ZDHHC17: variants seen among roughly 807,000 people sequenced by gnomAD.
ZDHHC17 encodes the protein zDHHC palmitoyltransferase 17, also known as palmitoyltransferase ZDHHC17.
ZDHHC17 carries 40 observed loss-of-function variants against 90.3 expected under a neutral mutation model. The ratio of observed to expected loss-of-function variants is 0.44; its 90% confidence interval spans 0.34 to 0.58. The LOEUF is 0.58. ZDHHC17 is among the 20% of genes least tolerant of loss of function. ZDHHC17 has a pLI of 0.01. For missense variants in ZDHHC17, 614 were observed against 780.8 expected, an observed-to-expected ratio of 0.79 and a Z score of 2.55; for synonymous variants, 235 against 252.4, an observed-to-expected ratio of 0.93 and a Z score of 0.65.
intron 1 of ZDHHC17, among the ~76,000 whole-genome samples, chr12:76,781,032 G>C (rs2137723747): frequency 6.6e-6 from 1 of 151,528 alleles, no homozygotes; most frequent in Non-Finnish European, 1.5e-5. Context: ...TACTCGGGAG[G>C]CTGAGGCTGG....
chr12:76,781,581 T>G, intron 1 of ZDHHC17: 1 of 455,260 alleles, frequency 2.2e-6, no homozygotes, highest in Non-Finnish European at 4.4e-6. Flanking sequence ...GTTTGCTGTC[T>G]CATGCTGTCT....
intron 5 of ZDHHC17, among the ~76,000 whole-genome samples, chr12:76,811,516 A>G (rs1445543310): frequency 6.6e-6 from 1 of 152,082 alleles, no homozygotes; most frequent in South Asian, 2.1e-4. Flanking sequence ...TATATAGGCT[A>G]TAAAATTCTC....
At chr12:76,850,762 T>C in intron 16 of ZDHHC17, 85 bp from the exon 17 acceptor site, 13 of 1,509,310 alleles carry the variant, frequency 8.6e-6, no homozygotes, top group Admixed American at 4.5e-5. Flanking sequence ...GAAAAAAATA[T>C]ATTTAACACG....
intron 12 of ZDHHC17, among the ~76,000 whole-genome samples, 166 bp downstream of exon 12, chr12:76,843,147 G>A (rs538677494): frequency 3.9e-5 from 6 of 152,202 alleles, no homozygotes; most frequent in South Asian, 2.1e-4. Flanking sequence ...TTCCCAAGGC[G>A]CTTATTCCTC....
intron 1 of ZDHHC17, chr12:76,764,825 G>A (rs1952413107): frequency 2.2e-6 from 1 of 456,586 alleles, no homozygotes; most frequent in Non-Finnish European, 4.4e-6. Flanking sequence ...AATGCCATGG[G>A]TAGCACCTCG....
At chr12:76,776,295 G>T (rs1254321445) in intron 1 of ZDHHC17, among the ~76,000 whole-genome samples, 1 of 151,966 alleles carries the variant, frequency 6.6e-6, no homozygotes, top group African/African-American at 2.4e-5. Flanking sequence ...AGCCTTAATG[G>T]TGACACATGA....
intron 1 of ZDHHC17, among the ~76,000 whole-genome samples, chr12:76,780,462 A>G (rs1385458928): frequency 6.6e-6 from 1 of 152,154 alleles, no homozygotes; most frequent in Non-Finnish European, 1.5e-5. Context: ...GTTAGTGATC[A>G]TTTCTCTCAT....
intron 12 of ZDHHC17, among the ~76,000 whole-genome samples, chr12:76,843,381 G>C (rs144893078): frequency 3.8e-4 from 57 of 151,830 alleles, no homozygotes; most frequent in African/African-American, 1.2e-3. Flanking sequence ...TTAGATAACT[G>C]TTAAGACAAC....
At chr12:76,788,984 A>G (rs141785031) in intron 1 of ZDHHC17, among the ~76,000 whole-genome samples, 1,677 of 152,200 alleles carry the variant, frequency 0.011, 10 homozygotes, top group Non-Finnish European at 0.017. Flanking sequence ...GGCATGAGCC[A>G]CCGTGCCCAG....
rs116080417 is a variant in ZDHHC17, at chr12:76,811,127, C to T, written c.543+1270C>T. On this transcript the variant is annotated intron_variant, in intron 5 of 16. Coordinates refer to ENST00000426126, the MANE Select transcript of ZDHHC17 (RefSeq NM_015336.4). The stretch of plus-strand genomic sequence containing the variant: ...GAACTGACACAGCAACGTTTTTTCT[C>T]CATTCTATCAGTTAAAGTGAGTTAA... Among the ~76,000 whole-genome samples, 485 of 151,570 alleles carry T rather than the reference C, an allele frequency of 3.2e-3. 3 individuals are homozygous for T. The highest frequency in any genetic ancestry group is 0.011 in the African/African-American group (459 of 41,300).
At chr12:76,787,557 G>T (rs1460978067) in intron 1 of ZDHHC17, among the ~76,000 whole-genome samples, 1 of 152,060 alleles carries the variant, frequency 6.6e-6, no homozygotes, top group Non-Finnish European at 1.5e-5. Flanking sequence ...TTCCAATATT[G>T]CATTTGATGT....
intron 7 of ZDHHC17, chr12:76,821,035 G>T: frequency 7.9e-7 from 1 of 1,266,934 alleles, no homozygotes; most frequent in Non-Finnish European, 1.0e-6. Context: ...ATATTTTAAA[G>T]CTCCCTCAAT....
chr12:76,797,405 T>A, intron 1 of ZDHHC17, 29 bp from the exon 2 acceptor site: 2 of 1,529,386 alleles, frequency 1.3e-6, no homozygotes, highest in Non-Finnish European at 1.8e-6. Context: ...TTTTCAATTC[T>A]TGCCTGTGTG....
In ZDHHC17 at chr12:76,794,554, A is replaced by T. The variant is rs1049298342; in HGVS notation, c.94-2880A>T. The stretch of plus-strand genomic sequence containing the variant: ...AGTGAGTATAACTCTGCCACTGTAG[A>T]ATTATTTGAGATATGTTTAGTTAAA... On this transcript the variant is annotated intron_variant, in intron 1 of 16. Coordinates refer to ENST00000426126, the MANE Select transcript of ZDHHC17 (RefSeq NM_015336.4). Among the ~76,000 whole-genome samples the T allele has an allele frequency of 5.9e-5, 9 of 152,324 alleles. No homozygotes were observed. The East Asian group carries it at 1.7e-3, about 29-fold the overall frequency.
intron 1 of ZDHHC17, among the ~76,000 whole-genome samples, chr12:76,780,843 C>T (rs74732594): frequency 0.14 from 21,622 of 151,972 alleles, 1,946 homozygotes; most frequent in Non-Finnish European, 0.2. Flanking sequence ...TCCGATAGGC[C>T]GGGCGCTGTG....
intron 10 of ZDHHC17, among the ~76,000 whole-genome samples, chr12:76,834,434 A>C (rs1186583638): frequency 1.3e-5 from 2 of 152,176 alleles, no homozygotes; most frequent in African/African-American, 2.4e-5. Flanking sequence ...ATCTGGGATG[A>C]TTACATATAT....
At chr12:76,788,750 G>T (rs1452339489) in intron 1 of ZDHHC17, among the ~76,000 whole-genome samples, 1 of 121,872 alleles carries the variant, frequency 8.2e-6, no homozygotes, top group Admixed American at 1.1e-4. Flanking sequence ...AGGCTGGAGT[G>T]CAGTGGCATG....
intron 1 of ZDHHC17, among the ~76,000 whole-genome samples, chr12:76,794,621 A>G (rs550046000): frequency 6.6e-6 from 1 of 152,342 alleles, no homozygotes; most frequent in East Asian, 1.9e-4. Context: ...AAGGAAATAA[A>G]AACAACCTTA....
At chr12:76,775,150 C>G (rs1464834714) in intron 1 of ZDHHC17, among the ~76,000 whole-genome samples, 3 of 152,224 alleles carry the variant, frequency 2.0e-5, no homozygotes, top group Non-Finnish European at 4.4e-5. Context: ...AATTGTACAC[C>G]TGCTGCCCCC....
Sources: gnomAD v4.1 joint callset for allele counts (sites outside exome capture counted in the v4.1 genomes callset) on GRCh38, gnomAD v4.1.1 for gene constraint, MANE v1.5 for transcripts, NCBI Gene and HGNC (gene_info 2026-07-23, HGNC 2026-07-21) for gene names.